Variants in RIN2 observed in about 807,000 individuals in gnomAD.
RIN2 encodes Ras and Rab interactor 2, also known as RAB5 interacting protein 2.
Under a neutral mutation model 78.0 loss-of-function variants are expected in RIN2, and 36 were observed. The observed-to-expected ratio is 0.46, with a 90% CI of 0.35 to 0.61. RIN2 has a LOEUF of 0.61. RIN2 is among the 20% of genes least tolerant of loss of function. The probability of loss-of-function intolerance (pLI) is 0.00; values close to 1 mark genes in which losing one functional copy is unlikely to be tolerated. For missense variants in RIN2, 1,087 were observed against 1,159.7 expected, an observed-to-expected ratio of 0.94 and a Z score of 0.91; for synonymous variants, 466 against 466.8, an observed-to-expected ratio of 1.00 and a Z score of 0.02.
chr20:19,762,966 T>C (rs1239698834), intron 1 of RIN2, among the ~76,000 whole-genome samples: 1 of 152,056 alleles, frequency 6.6e-6, no homozygotes, highest in Non-Finnish European at 1.5e-5. Flanking sequence ...GGTTTCATGA[T>C]GTTGGCCAGG....
chr20:19,772,249 C>T (rs1385524041), intron 1 of RIN2, among the ~76,000 whole-genome samples: 1 of 152,126 alleles, frequency 6.6e-6, no homozygotes, highest in East Asian at 1.9e-4. Flanking sequence ...GCTCCCACAT[C>T]TTTTCTCAGC....
chr20:19,844,466 G>C (rs573173073), intron 2 of RIN2, among the ~76,000 whole-genome samples: 417 of 152,254 alleles, frequency 2.7e-3, no homozygotes, highest in Non-Finnish European at 4.9e-3. Context: ...TTGTCCCAAA[G>C]GAATGACTAC....
Position 19,927,801 on chromosome 20 carries a change from C to G in RIN2, c.58-7298C>G, listed in dbSNP as rs62200440. ...CTGGGCTCAAGTGATCCTCCTGCCT[C>G]AGACTCCCACAGCACTGGGATTATA... On this transcript the variant is annotated intron_variant, in intron 3 of 12. Coordinates refer to ENST00000255006, the MANE Select transcript of RIN2 (RefSeq NM_018993.4). Among the ~76,000 whole-genome samples, 419 of 152,306 alleles carry G rather than the reference C, an allele frequency of 2.8e-3. 2 individuals are homozygous for G. Among genetic ancestry groups the G allele is most frequent in the Non-Finnish European group, 4.4e-3 (296 of 68,022 alleles).
At chr20:19,788,297 T>C (rs983597826) in intron 1 of RIN2, among the ~76,000 whole-genome samples, 1 of 151,926 alleles carries the variant, frequency 6.6e-6, no homozygotes, top group African/African-American at 2.4e-5. Context: ...GTTATTAAAA[T>C]TAGAAAATAA....
At chr20:19,824,921 G>T (rs1380818325) in intron 2 of RIN2, among the ~76,000 whole-genome samples, 2 of 152,190 alleles carry the variant, frequency 1.3e-5, no homozygotes, top group Non-Finnish European at 2.9e-5. Context: ...GGAGTTGAAT[G>T]TGATGGCTCT....
intron 2 of RIN2, among the ~76,000 whole-genome samples, chr20:19,853,984 G>A (rs561806605): frequency 6.6e-6 from 1 of 152,286 alleles, no homozygotes; most frequent in South Asian, 2.1e-4. Flanking sequence ...TATTGCCTAG[G>A]TTTTCTTCTA....
intron 4 of RIN2, among the ~76,000 whole-genome samples, chr20:19,942,694 G>A (rs557386174): frequency 6.6e-6 from 1 of 152,226 alleles, no homozygotes; most frequent in African/African-American, 2.4e-5. Context: ...TGACCTACAA[G>A]GTGTTTTTGA....
At chr20:19,769,567 A>C (rs1031236474) in intron 1 of RIN2, among the ~76,000 whole-genome samples, 1 of 152,186 alleles carries the variant, frequency 6.6e-6, no homozygotes, top group Admixed American at 6.5e-5. Context: ...TGGATATGTA[A>C]ATTACTTCAA....
At chr20:19,824,498 G>A (rs912970998) in intron 2 of RIN2, among the ~76,000 whole-genome samples, 7 of 151,426 alleles carry the variant, frequency 4.6e-5, no homozygotes, top group Non-Finnish European at 8.8e-5. Flanking sequence ...TGACACTCAT[G>A]TCCTTCAAGG....
intron 2 of RIN2, among the ~76,000 whole-genome samples, chr20:19,885,086 C>T (rs2038138743): frequency 6.6e-6 from 1 of 152,270 alleles, no homozygotes; most frequent in East Asian, 1.9e-4. Flanking sequence ...CCTCATGCAG[C>T]ACGGAGATGA....
At chr20:19,993,625 C>G (rs1373689715) in intron 11 of RIN2, among the ~76,000 whole-genome samples, 1 of 152,036 alleles carries the variant, frequency 6.6e-6, no homozygotes, top group African/African-American at 2.4e-5. Context: ...CCTCTTCTGT[C>G]CCCTTATTAA....
chr20:19,994,426 C>T (rs2042893410), intron 11 of RIN2, among the ~76,000 whole-genome samples: 1 of 152,186 alleles, frequency 6.6e-6, no homozygotes, highest in South Asian at 2.1e-4. Context: ...TTCTCATTTA[C>T]CAAAAAGGCG....
intron 4 of RIN2, among the ~76,000 whole-genome samples, chr20:19,945,170 T>C (rs1163288213): frequency 1.3e-5 from 2 of 152,200 alleles, no homozygotes; most frequent in Non-Finnish European, 2.9e-5. Flanking sequence ...CTCACAGTGA[T>C]GAAGGGGCAG....
chr20:19,771,847 C>T (rs2034135444), intron 1 of RIN2, among the ~76,000 whole-genome samples: 1 of 152,186 alleles, frequency 6.6e-6, no homozygotes. Context: ...TCCACTCCGA[C>T]TCTCCCTTCT....
intron 2 of RIN2, among the ~76,000 whole-genome samples, chr20:19,874,826 C>A (rs1462827879): frequency 6.6e-6 from 1 of 151,076 alleles, no homozygotes; most frequent in South Asian, 2.1e-4. Context: ...AATATAGATA[C>A]ACTTTTATTT....
In RIN2 at chr20:20,001,304, T is replaced by C. The variant is rs2146442612; in HGVS notation, c.*368T>C. The C allele has an allele frequency of 5.8e-6, 1 of 171,012 alleles. No homozygotes were observed. The highest frequency in any genetic ancestry group is 2.4e-5 in the African/African-American group (1 of 42,298). 10.6% of individuals were successfully genotyped at this position (171,012 alleles called of 1,614,324 possible). On this transcript the variant is annotated 3_prime_UTR_variant, in exon 13 of 13. Coordinates refer to ENST00000255006, the MANE Select transcript of RIN2 (RefSeq NM_018993.4). Reference sequence around the variant, plus strand: ...CAGCAGATGCTTGCGATGCAGTGCGTCAGGTGATTCTCACTCCTGTGGATG... The same window carrying C: ...CAGCAGATGCTTGCGATGCAGTGCGCCAGGTGATTCTCACTCCTGTGGATG...
At chr20:19,942,544 G>A (rs1251960013) in intron 4 of RIN2, among the ~76,000 whole-genome samples, 5 of 152,046 alleles carry the variant, frequency 3.3e-5, no homozygotes, top group South Asian at 4.1e-4. Flanking sequence ...CCCTGACCCC[G>A]ACCCCACCCC....
intron 3 of RIN2, among the ~76,000 whole-genome samples, chr20:19,911,236 A>G (rs1266810203): frequency 6.6e-6 from 1 of 151,754 alleles, no homozygotes; most frequent in Admixed American, 6.6e-5. Flanking sequence ...TTTTTTTAGT[A>G]GAGACAGGAT....
At chr20:19,782,343 T>G (rs1035804643) in intron 1 of RIN2, among the ~76,000 whole-genome samples, 2 of 152,088 alleles carry the variant, frequency 1.3e-5, no homozygotes, top group Non-Finnish European at 2.9e-5. Flanking sequence ...GGTGGGTGGA[T>G]CACATGAGGC....
Sources: allele counts gnomAD v4.1 joint callset (sites outside exome capture counted in the v4.1 genomes callset), GRCh38; gene constraint gnomAD v4.1.1; transcripts MANE v1.5; gene names NCBI Gene and HGNC (gene_info 2026-07-23, HGNC 2026-07-21).